Variants in ODF2L observed in about 807,000 individuals in gnomAD.
The protein encoded by ODF2L is outer dense fiber of sperm tails 2 like, also known as protein BCAP.
A neutral mutation model predicts 86.3 loss-of-function variants in ODF2L; 76 were observed. The ratio of observed to expected loss-of-function variants is 0.88; its 90% CI spans 0.73 to 1.07. The LOEUF (loss-of-function observed/expected upper bound fraction) is 1.07, where lower values mean the gene tolerates loss of function less well. Among genes scored for constraint, ODF2L ranks in the 50% least tolerant of loss-of-function variants. The pLI, the probability that ODF2L is intolerant of heterozygous loss-of-function variation, is 0.00. For synonymous variants in ODF2L, 241 were observed against 231.3 expected, an observed-to-expected ratio of 1.04 and a Z score of -0.38; for missense variants, 748 against 717.4, an observed-to-expected ratio of 1.04 and a Z score of -0.49.
intron 1 of ODF2L, among the ~76,000 whole-genome samples, chr1:86,387,627 C>T (rs888177110): frequency 6.6e-6 from 1 of 152,100 alleles, no homozygotes; most frequent in Non-Finnish European, 1.5e-5. Flanking sequence ...AGTGAAAAGA[C>T]CAGACAGATG....
chr1:86,372,587 T>G (rs755256542), intron 8 of ODF2L, 47 bp from the exon 9 acceptor site: 1 of 1,082,556 alleles, frequency 9.2e-7, no homozygotes, highest in Non-Finnish European at 1.3e-6. Context: ...AAAACATTTT[T>G]GTTTTGTTCA....
At chr1:86,357,023 G>A (rs1394502368) in intron 13 of ODF2L, among the ~76,000 whole-genome samples, 1 of 152,098 alleles carries the variant, frequency 6.6e-6, no homozygotes, top group African/African-American at 2.4e-5. Flanking sequence ...ACTTAAATTA[G>A]AGCAGCTTGC....
In ODF2L at chr1:86,356,611, T is replaced by TGGCA; in HGVS notation, c.1360-13_1360-10dup. The TGGCA allele has an allele frequency of 1.2e-6, 2 of 1,609,052 alleles. No homozygotes were observed. Among genetic ancestry groups the TGGCA allele is most frequent in the Non-Finnish European group, 1.7e-6 (2 of 1,177,010 alleles). Reference sequence around the variant, plus strand: ...TCCATCTGGCCTCTCATCTGAGTTGTGGCAGTAGGGAAATAAGTGCAAGAT... The same window carrying TGGCA: ...TCCATCTGGCCTCTCATCTGAGTTGTGGCAGGCAGTAGGGAAATAAGTGCAAGAT... On this transcript the variant is annotated splice_polypyrimidine_tract_variant and intron_variant, in intron 13 of 17. Transcript: ENST00000317336.
intron 11 of ODF2L, among the ~76,000 whole-genome samples, chr1:86,365,828 A>G (rs1230034108): frequency 6.6e-6 from 1 of 152,204 alleles, no homozygotes; most frequent in Non-Finnish European, 1.5e-5. Flanking sequence ...CCTGGGTTTG[A>G]AAAGGATTAA....
chr1:86,385,494 T>G (rs1660884776), exon 3 of ODF2L: 5 of 1,598,952 alleles, frequency 3.1e-6, no homozygotes, highest in Non-Finnish European at 4.3e-6. Context: ...TGTCCTTAAA[T>G]AGTGGCAAAA....
At chr1:86,356,422 A>G (rs1658563744) in intron 14 of ODF2L, 22 bp downstream of exon 13, 1 of 1,582,624 alleles carries the variant, frequency 6.3e-7, no homozygotes, top group East Asian at 2.3e-5. Flanking sequence ...ATCTAGCAAA[A>G]CTCAGAAGGA....
At chr1:86,371,113 C>T in exon 10 of ODF2L, 2 of 1,540,048 alleles carry the variant, frequency 1.3e-6, no homozygotes, top group South Asian at 2.4e-5. Flanking sequence ...TTTCCATGGT[C>T]TTCCATTTTC....
rs12047913 is a variant in ODF2L at position 86,372,060 on chromosome 1, A to G, written c.920+371T>C. Among the ~76,000 whole-genome samples the G allele has an allele frequency of 0.011, 1,732 of 152,028 alleles. 70 individuals are homozygous for G. The East Asian group carries it at 0.12, about 10-fold the overall frequency. ...AAAAAACAGCTGGGCTTGGTGGTGCATGCCTGTAGTCCCAGCTACTAGGGA... is the reference window on the plus strand; with the variant it reads ...AAAAAACAGCTGGGCTTGGTGGTGCGTGCCTGTAGTCCCAGCTACTAGGGA... On this transcript the variant is annotated intron_variant, in intron 9 of 17. Coordinates refer to ENST00000317336, the Ensembl canonical transcript of ODF2L.
chr1:86,376,235 G>T, exon 8 of ODF2L: 1 of 1,590,294 alleles, frequency 6.3e-7, no homozygotes, highest in Non-Finnish European at 8.6e-7. Flanking sequence ...TTACATACCT[G>T]ATCTCTAATT....
intron 7 of ODF2L, 21 bp downstream of exon 7, chr1:86,382,221 G>T (rs1232150115): frequency 1.3e-6 from 2 of 1,554,562 alleles, no homozygotes; most frequent in African/African-American, 1.4e-5. Context: ...CTATAAAAAT[G>T]GATATATATT....
Position 86,384,670 on chromosome 1 carries a change from CCTTA to C in ODF2L, c.372+2_372+5del, listed in dbSNP as rs745934975. 193 of 1,441,324 alleles carry C rather than the reference CCTTA, an allele frequency of 1.3e-4. No individual in the cohort carries two copies. Among genetic ancestry groups the C allele is most frequent in the Admixed American group, 2.8e-4 (11 of 38,602 alleles). The allele number at this position is 1,441,324 out of a possible 1,614,324, so 89.3% of individuals were successfully genotyped here. A position where few individuals can be genotyped will look rare whatever the true frequency, so the allele number is the denominator to read the frequency against. On this transcript the variant is annotated splice_donor_variant and splice_donor_5th_base_variant and intron_variant, in intron 4 of 17. Coordinates refer to ENST00000317336, the Ensembl canonical transcript of ODF2L. LOFTEE classifies it high-confidence loss of function. The stretch of plus-strand genomic sequence containing the variant: ...TTAAAATGAGTGCTTAGTGTTGATG[CCTTA>C]CTTGTTTGTAGTCTCTCTTTCTAAG...
intron 9 of ODF2L, 53 bp from the exon 10 acceptor site, chr1:86,371,206 A>G: frequency 9.9e-7 from 1 of 1,008,304 alleles, no homozygotes; most frequent in Non-Finnish European, 1.4e-6. Flanking sequence ...TTTTATTCAA[A>G]TAACACATTT....
intron 14 of ODF2L, chr1:86,355,425 T>C: frequency 8.1e-7 from 1 of 1,228,420 alleles, no homozygotes. Context: ...AAGGAAAAAA[T>C]TTTTTTCTCA....
At chr1:86,395,273 C>G (rs1040174015) in intron 1 of ODF2L, among the ~76,000 whole-genome samples, 1 of 152,244 alleles carries the variant, frequency 6.6e-6, no homozygotes, top group Non-Finnish European at 1.5e-5. Flanking sequence ...TTATCCCCAA[C>G]AGCAGCCCCA....
chr1:86,384,938 A>G, intron 3 of ODF2L, 137 bp from the exon 4 acceptor site: 1 of 523,866 alleles, frequency 1.9e-6, no homozygotes, highest in Non-Finnish European at 2.9e-6. Flanking sequence ...AATGCTACGA[A>G]ATTTGTCAAT....
intron 7 of ODF2L, among the ~76,000 whole-genome samples, chr1:86,377,681 C>T (rs370197805): frequency 6.6e-6 from 1 of 152,206 alleles, no homozygotes; most frequent in Non-Finnish European, 1.5e-5. Flanking sequence ...CTTGGGGCAT[C>T]CACCCTCTGA....
At chr1:86,352,420 G>C (rs1323381000) in intron 17 of ODF2L, among the ~76,000 whole-genome samples, 2 of 152,136 alleles carry the variant, frequency 1.3e-5, no homozygotes, top group East Asian at 1.9e-4. Context: ...CATCTCACAT[G>C]TATATCTAAC....
At chr1:86,391,262 C>T (rs1370943200) in intron 1 of ODF2L, among the ~76,000 whole-genome samples, 1 of 152,098 alleles carries the variant, frequency 6.6e-6, no homozygotes, top group African/African-American at 2.4e-5. Flanking sequence ...GGCCATACTG[C>T]CAAAAGCAAT....
chr1:86,383,914 T>A (rs1660758737), intron 4 of ODF2L, among the ~76,000 whole-genome samples: 1 of 151,708 alleles, frequency 6.6e-6, no homozygotes, highest in South Asian at 2.1e-4. Flanking sequence ...AAGATAGTAG[T>A]TTTACTCCAT....
Sources: gnomAD v4.1 joint callset for allele counts (sites outside exome capture counted in the v4.1 genomes callset) on GRCh38, gnomAD v4.1.1 for gene constraint, MANE v1.5 for transcripts, NCBI Gene and HGNC (gene_info 2026-07-23, HGNC 2026-07-21) for gene names.